The following ANKRD36C variants were observed in gnomAD, a reference collection of about 807,000 sequenced individuals.
The protein encoded by ANKRD36C is ankyrin repeat domain-containing protein 36C.
In ANKRD36C, 61 loss-of-function variants were observed where a neutral mutation model predicts 276.4. That is an observed-to-expected ratio of 0.22 (90% CI 0.18 to 0.27). The LOEUF is 0.27. ANKRD36C is among the 10% of genes least tolerant of loss of function. The probability of loss-of-function intolerance (pLI) is 1.00; values close to 1 mark genes in which losing one functional copy is unlikely to be tolerated. For synonymous variants in ANKRD36C, 483 were observed against 680.1 expected (o/e 0.71, Z 4.51); for missense variants, 1,447 against 2,032.3 (o/e 0.71, Z 5.54).
chr2:95,962,203 C>G (rs1431128655), intron 8 of ANKRD36C, 149 bp downstream of exon 8: 1 of 944,078 alleles, frequency 1.1e-6, no homozygotes. Context: ...GTAGCATCGG[C>G]GTCACCCAAG....
chr2:95,954,561 G>A (rs1347513425), intron 13 of ANKRD36C, among the ~76,000 whole-genome samples: 1 of 152,172 alleles, frequency 6.6e-6, no homozygotes, highest in Non-Finnish European at 1.5e-5. Context: ...ACACTACAGG[G>A]AGCCCCCCTG....
intron 58 of ANKRD36C, among the ~76,000 whole-genome samples, chr2:95,879,132 A>G (rs898787848): frequency 9.2e-5 from 14 of 152,312 alleles, no homozygotes; most frequent in Middle Eastern, 3.4e-3. Context: ...AAAGAATAAG[A>G]TCCTCTCATT....
At chr2:95,919,413 C>G (rs1677204852) in intron 34 of ANKRD36C, among the ~76,000 whole-genome samples, 2 of 133,044 alleles carry the variant, frequency 1.5e-5, no homozygotes, top group Non-Finnish European at 3.4e-5. Context: ...CTCCTTCCAC[C>G]CTTAGTGAAA....
intron 6 of ANKRD36C, among the ~76,000 whole-genome samples, chr2:95,966,695 G>A (rs879833178): frequency 2.3e-4 from 35 of 152,068 alleles, no homozygotes; most frequent in Non-Finnish European, 4.1e-4. Flanking sequence ...TTCTAATTCT[G>A]TGAAGAAAGT....
intron 42 of ANKRD36C, among the ~76,000 whole-genome samples, chr2:95,902,155 A>G (rs911247486): frequency 1.3e-5 from 2 of 149,922 alleles, no homozygotes; most frequent in African/African-American, 4.9e-5. Flanking sequence ...AAATTTATTC[A>G]TATTCAAGAT....
intron 3 of ANKRD36C, among the ~76,000 whole-genome samples, chr2:95,985,406 A>G (rs567361856): frequency 6.6e-6 from 1 of 152,290 alleles, no homozygotes; most frequent in South Asian, 2.1e-4. Flanking sequence ...AGTGGTTCTT[A>G]ACCAGCAGCG....
intron 1 of ANKRD36C, among the ~76,000 whole-genome samples, chr2:95,990,847 C>A (rs1311899134): frequency 6.6e-6 from 1 of 152,116 alleles, no homozygotes; most frequent in African/African-American, 2.4e-5. Flanking sequence ...TCATTATGCA[C>A]CTTTCCATAA....
chr2:95,949,999 G>A (rs1332465712), intron 16 of ANKRD36C, among the ~76,000 whole-genome samples: 1 of 151,960 alleles, frequency 6.6e-6, no homozygotes, highest in African/African-American at 2.4e-5. Context: ...GAAGAATCCA[G>A]AAAATAAGAA....
In ANKRD36C at chr2:95,889,951, T is replaced by G. The variant is rs759463349; in HGVS notation, c.2886+15A>C. 4 of 1,609,854 alleles carry G rather than the reference T, an allele frequency of 2.5e-6. No homozygotes were observed. The highest frequency in any genetic ancestry group is 4.5e-5 in the East Asian group (2 of 44,692). The stretch of plus-strand genomic sequence containing the variant: ...TACAGTTAATAGTTCAAAATATAAA[T>G]GAGAGTTTAATTACCTTCAAGGCTG... On this transcript the variant is annotated intron_variant, in intron 47 of 66. Coordinates refer to ENST00000456556, the Ensembl canonical transcript of ANKRD36C.
At chr2:95,925,245 T>A in intron 30 of ANKRD36C, 107 bp downstream of exon 30, 1 of 1,513,304 alleles carries the variant, frequency 6.6e-7, no homozygotes, top group Non-Finnish European at 8.9e-7. Context: ...TCAGGCCTGC[T>A]TAATCAGAAA....
At chr2:95,959,944 G>A (rs1333065643) in intron 10 of ANKRD36C, among the ~76,000 whole-genome samples, 1 of 152,162 alleles carries the variant, frequency 6.6e-6, no homozygotes, top group African/African-American at 2.4e-5. Flanking sequence ...GTTCCCTCAG[G>A]TTTCCTCAGC....
intron 6 of ANKRD36C, among the ~76,000 whole-genome samples, chr2:95,964,021 G>A (rs762562034): frequency 1.5e-3 from 133 of 86,026 alleles, no homozygotes; most frequent in Non-Finnish European, 1.9e-3. Context: ...ATATGTGTGT[G>A]TGTGTCATGA....
At chr2:95,862,467 A>G (rs1199754801) in intron 60 of ANKRD36C, among the ~76,000 whole-genome samples, 1 of 151,702 alleles carries the variant, frequency 6.6e-6, no homozygotes, top group Non-Finnish European at 1.5e-5. Context: ...GAAATAGAAA[A>G]TAGAAAATAT....
chr2:95,990,113 A>G (rs988943661), intron 1 of ANKRD36C, among the ~76,000 whole-genome samples: 1 of 152,208 alleles, frequency 6.6e-6, no homozygotes, highest in African/African-American at 2.4e-5. Context: ...ATGAATCAAT[A>G]TAAGTAGGCA....
At chr2:95,892,259 A>G (rs1201884660) in intron 44 of ANKRD36C, among the ~76,000 whole-genome samples, 4 of 151,542 alleles carry the variant, frequency 2.6e-5, no homozygotes, top group Admixed American at 6.6e-5. Context: ...AAGGATTTAC[A>G]CCATTATACT....
chr2:95,914,046 A>G, intron 40 of ANKRD36C, 62 bp downstream of exon 42: 22 of 1,462,820 alleles, frequency 1.5e-5, no homozygotes, highest in Non-Finnish European at 2.0e-5. Context: ...TGATTTCTTC[A>G]GGGAAGAGAA....
In ANKRD36C at chr2:95,907,925, C is replaced by A. The variant is rs866731991; in HGVS notation, c.2653+4319G>T. Among the ~76,000 whole-genome samples the A allele has an allele frequency of 3.1e-3, 464 of 149,406 alleles. 2 individuals are homozygous for A. The Middle Eastern group carries it at 0.048, about 15-fold the overall frequency. ...CAGTAGTTCCTGGAGCAGCCAAAAT[C>A]AAATATTTGTTATGAAAATATTCCA... On this transcript the variant is annotated intron_variant, in intron 42 of 66. Transcript: ENST00000456556.
intron 59 of ANKRD36C, among the ~76,000 whole-genome samples, chr2:95,873,362 T>G (rs1346355844): frequency 6.6e-6 from 1 of 152,200 alleles, no homozygotes; most frequent in Non-Finnish European, 1.5e-5. Flanking sequence ...GCTGCTTCAA[T>G]ATACGCAAAT....
intron 50 of ANKRD36C, among the ~76,000 whole-genome samples, chr2:95,887,185 T>C (rs534711586): frequency 6.6e-6 from 1 of 151,866 alleles, no homozygotes; most frequent in African/African-American, 2.4e-5. Flanking sequence ...ATGAAGCCAA[T>C]GTATTCATAT....
Sources: allele counts gnomAD v4.1 joint callset (sites outside exome capture counted in the v4.1 genomes callset), GRCh38; gene constraint gnomAD v4.1.1; transcripts MANE v1.5; gene names NCBI Gene and HGNC (gene_info 2026-07-23, HGNC 2026-07-21).